Variants in PDZD2 observed in about 807,000 individuals in gnomAD.
The protein encoded by PDZD2 is PDZ domain-containing protein 2.
A neutral mutation model predicts 220.7 loss-of-function variants in PDZD2; 90 were observed. That is an observed-to-expected ratio of 0.41 (90% CI 0.34 to 0.49). PDZD2 has a LOEUF of 0.49. Ranked by LOEUF, PDZD2 falls within the 20% of genes least tolerant of loss-of-function variation. The pLI is 0.28. For missense variants in PDZD2, 3,174 were observed against 3,608.5 expected (o/e 0.88, Z 3.08); for synonymous variants, 1,375 against 1,450.5 (o/e 0.95, Z 1.18).
At chr5:31,670,712 C>G (rs1467686383) in intron 1 of PDZD2, among the ~76,000 whole-genome samples, 3 of 152,148 alleles carry the variant, frequency 2.0e-5, no homozygotes, top group African/African-American at 7.2e-5. Context: ...TGAGCCACCG[C>G]GCCCGGCCAG....
chr5:31,696,629 G>T (rs439399), intron 1 of PDZD2, among the ~76,000 whole-genome samples: 5 of 151,894 alleles, frequency 3.3e-5, no homozygotes, highest in Non-Finnish European at 7.4e-5. Context: ...CTGAAAATAC[G>T]CTTCACAAGA....
chr5:31,785,281 A>G (rs1480999518), intron 1 of PDZD2, among the ~76,000 whole-genome samples: 2 of 151,848 alleles, frequency 1.3e-5, no homozygotes, highest in East Asian at 1.9e-4. Context: ...ACCTGAAGAC[A>G]TGGATGGTAG....
intron 2 of PDZD2, among the ~76,000 whole-genome samples, chr5:31,962,495 A>C (rs1748337757): frequency 1.3e-5 from 2 of 152,176 alleles, no homozygotes; most frequent in South Asian, 4.1e-4. Context: ...CAGGGTGTGA[A>C]GTGTTAATAG....
chr5:32,088,757 C>G lies in PDZD2; in HGVS notation c.5309C>G (p.Ser1770Cys), dbSNP rs762038145. The change falls in exon 20 of 25, where the codon TCT becomes TGT. Residue 1770 changes from serine (S) to cysteine (C), a missense_variant. Ser to Cys is a moderately radical substitution (Grantham distance 112). Transcript: ENST00000438447. This position sits in a 1 kb window ranked among gnomAD's most constrained non-coding sequence, Gnocchi z 4.6. ...GTGGATGTCCCTAAGAATGGAGAAT[C>G]TGTTTTGGAAAACCTCCACATCTCT... ...FSVDVPKNGESVLENLHISES... is the reference protein window; with the variant it reads ...FSVDVPKNGECVLENLHISES... The G allele has an allele frequency of 6.2e-7, 1 of 1,614,066 alleles. No homozygotes were observed. Among genetic ancestry groups the G allele is most frequent in the Non-Finnish European group, 8.5e-7 (1 of 1,179,940 alleles).
At chr5:31,930,669 A>G (rs1745200511) in intron 2 of PDZD2, among the ~76,000 whole-genome samples, 1 of 152,202 alleles carries the variant, frequency 6.6e-6, no homozygotes, top group Non-Finnish European at 1.5e-5. Context: ...TGTGCAGGAT[A>G]TACTTTAGGG....
intron 5 of PDZD2, among the ~76,000 whole-genome samples, chr5:32,002,805 A>G (rs1177577876): frequency 8.2e-6 from 1 of 122,228 alleles, no homozygotes; most frequent in Admixed American, 8.5e-5. Flanking sequence ...CACCAACACA[A>G]CCACCAACAC....
At chr5:31,827,798 A>G (rs1208116145) in intron 2 of PDZD2, among the ~76,000 whole-genome samples, 1 of 152,182 alleles carries the variant, frequency 6.6e-6, no homozygotes, top group Non-Finnish European at 1.5e-5. Flanking sequence ...GAGTGGTTTT[A>G]TAGATTCACA....
intron 1 of PDZD2, among the ~76,000 whole-genome samples, chr5:31,792,926 C>T (rs1447489014): frequency 1.3e-5 from 2 of 151,986 alleles, no homozygotes; most frequent in African/African-American, 4.8e-5. Context: ...GCAGCCTCCA[C>T]CTCCCCGGTT....
At chr5:31,860,843 C>T (rs182133842) in intron 2 of PDZD2, among the ~76,000 whole-genome samples, 5 of 152,280 alleles carry the variant, frequency 3.3e-5, no homozygotes, top group Admixed American at 1.3e-4. Flanking sequence ...GATAACTGTA[C>T]AGCACATTAA....
At position 32,088,980 on chromosome 5, in the gene PDZD2, C is replaced by T. The variant is rs776990963; in HGVS notation, c.5532C>T (p.Gly1844=). 10 of 1,613,840 alleles carry T rather than the reference C, an allele frequency of 6.2e-6. No individual in the cohort carries two copies. Among genetic ancestry groups the T allele is most frequent in the South Asian group, 2.2e-5 (2 of 91,074 alleles). The change falls in exon 20 of 25, where the codon GGC becomes GGT. Residue 1844 remains glycine (G), a synonymous_variant. Transcript: ENST00000438447. This position sits in a 1 kb window ranked among gnomAD's most constrained non-coding sequence, Gnocchi z 4.6. ...IQMVSSSQKK[G]VTVPHSPPQP... ...TGGTGAGTTCAAGCCAAAAAAAGGG[C>T]GTTACTGTGCCTCATAGCCCTCCTC...
intron 2 of PDZD2, among the ~76,000 whole-genome samples, chr5:31,925,455 A>G (rs556313591): frequency 6.6e-6 from 1 of 152,328 alleles, no homozygotes; most frequent in East Asian, 1.9e-4. Context: ...ATCTTCAAAA[A>G]TTAACTCATC....
intron 1 of PDZD2, among the ~76,000 whole-genome samples, chr5:31,649,808 C>G (rs778117766): frequency 6.6e-6 from 1 of 151,748 alleles, no homozygotes; most frequent in African/African-American, 2.4e-5. Flanking sequence ...CATGGTGGCG[C>G]GCGCCTATAG....
Position 32,074,271 on chromosome 5 carries a change from T to C in PDZD2, c.3165T>C (p.Tyr1055=), listed in dbSNP as rs373139089. The C allele has an allele frequency of 8.1e-6, 13 of 1,614,026 alleles. No individual in the cohort carries two copies. Among genetic ancestry groups the C allele is most frequent in the Non-Finnish European group, 1.0e-5 (12 of 1,179,990 alleles). Residue 1055 remains tyrosine, a synonymous_variant, in exon 18 of 25, where the codon TAT becomes TAC. Coordinates refer to ENST00000438447, the MANE Select transcript of PDZD2 (RefSeq NM_178140.4). ...AGGGCATGGTGGATGCTGCGTCCTA[T>C]GCAGCCAACCTCACGGACTCTGCAG... is the stretch of plus-strand genomic sequence containing the variant. The part of the protein sequence containing the change: ...IPEGMVDAAS[Y]AANLTDSAEA...
intron 1 of PDZD2, among the ~76,000 whole-genome samples, chr5:31,643,915 C>G (rs919146939): frequency 1.3e-5 from 2 of 151,998 alleles, no homozygotes; most frequent in African/African-American, 4.8e-5. Flanking sequence ...ACCTCCCCGG[C>G]TCCAGTGATC....
At position 31,914,422 on chromosome 5, in the gene PDZD2, G is replaced by A. The variant is rs533555979; in HGVS notation, c.477-68733G>A. 3.3e-5 allele frequency among the ~76,000 whole-genome samples: 5 copies of A among 152,240 alleles called. No individual in the cohort carries two copies. In the South Asian group the frequency reaches 6.2e-4, roughly 19 times the overall value. ...GTGGGCACCTTAATCTCAGCTACTC[G>A]GGAGGCTGAGGCAGAGAATTGCTTG... On this transcript the variant is annotated intron_variant, in intron 2 of 24. Coordinates refer to ENST00000438447, the MANE Select transcript of PDZD2 (RefSeq NM_178140.4).
At chr5:31,737,634 T>C (rs922671530) in intron 1 of PDZD2, among the ~76,000 whole-genome samples, 1 of 152,198 alleles carries the variant, frequency 6.6e-6, no homozygotes, top group African/African-American at 2.4e-5. Flanking sequence ...TTCCTCCTCC[T>C]GTATGTGGCT....
At chr5:32,037,606 G>C (rs2112224857) in intron 7 of PDZD2, among the ~76,000 whole-genome samples, 1 of 152,204 alleles carries the variant, frequency 6.6e-6, no homozygotes, top group Non-Finnish European at 1.5e-5. Flanking sequence ...CTTATGTTTG[G>C]TTCGTTTACT....
At chr5:32,045,649 G>C (rs554269646) in intron 7 of PDZD2, among the ~76,000 whole-genome samples, 1 of 149,748 alleles carries the variant, frequency 6.7e-6, no homozygotes. Context: ...GGATGGTCTC[G>C]ATCTCATGAC....
rs1755629822 is a variant in PDZD2, at chr5:32,037,249, C to T, written c.1426C>T (p.Pro476Ser). 1 of 1,612,704 alleles carries T rather than the reference C, an allele frequency of 6.2e-7. No individual in the cohort carries two copies. The highest frequency in any genetic ancestry group is 8.5e-7 in the Non-Finnish European group (1 of 1,178,844). The change falls in exon 7 of 25, where the codon CCC becomes TCC. Residue 476 changes from proline to serine, a missense_variant. Physicochemically the swap from Pro to Ser is moderately conservative, Grantham distance 74. Around this residue, in one of 4 missense-constraint regions of PDZD2, gnomAD observed 632 missense variants for 708.1 expected, o/e 0.89. Coordinates refer to ENST00000438447, the MANE Select transcript of PDZD2 (RefSeq NM_178140.4). ...ATTTCAGATGCCTGGGACAGATGAA[C>T]CCCAAGATGTGTGCGGTGCTGAGGA... ...VQRAMPGTDE[P>S]QDVCGAEESK... is the part of the protein sequence containing the mutation.
Sources: allele counts gnomAD v4.1 joint callset (sites outside exome capture counted in the v4.1 genomes callset), GRCh38; gene constraint gnomAD v4.1.1; regional missense constraint gnomAD v4.1.1; non-coding constraint Gnocchi (gnomAD v3.1); transcripts MANE v1.5; gene names NCBI Gene and HGNC (gene_info 2026-07-23, HGNC 2026-07-21).